P2RX5: variants seen among roughly 807,000 people sequenced by gnomAD.
P2RX5 encodes purinergic receptor P2X 5, also known as P2X purinoceptor 5.
Under a neutral mutation model 54.1 loss-of-function variants are expected in P2RX5, and 46 were observed. That is an observed-to-expected ratio of 0.85 (90% CI 0.67 to 1.09). The LOEUF is 1.09. Among genes scored for constraint, P2RX5 ranks in the 50% least tolerant of loss-of-function variants. The pLI is 0.00. For missense variants in P2RX5, 566 were observed against 549.8 expected, an observed-to-expected ratio of 1.03 and a Z score of -0.29; for synonymous variants, 226 against 226.4, an observed-to-expected ratio of 1.00 and a Z score of 0.02.
chr17:3,712,654 AAC>A, the P2RX5 span, among the ~76,000 whole-genome samples: 2 of 152,228 alleles, frequency 1.3e-5, no homozygotes, highest in African/African-American at 4.8e-5. Flanking sequence ...GTGATTTAAA[AAC>A]AGTTTGGCCG....
At chr17:3,723,769 C>T in the P2RX5 span, 45 of 1,604,178 alleles carry the variant, frequency 2.8e-5, no homozygotes, top group East Asian at 8.1e-4. Flanking sequence ...ATGACCGCGA[C>T]GCGCTGAACA....
At chr17:3,709,341 T>TATTACAC in the P2RX5 span, among the ~76,000 whole-genome samples, 1 of 152,190 alleles carries the variant, frequency 6.6e-6, no homozygotes, top group Non-Finnish European at 1.5e-5. Context: ...CTGATTTCAC[T>TATTACAC]ATGAGAAATG....
the P2RX5 span, chr17:3,718,032 G>C: frequency 3.3e-5 from 5 of 152,328 alleles, no homozygotes; most frequent in African/African-American, 9.6e-5. Flanking sequence ...TCCCAAAAGT[G>C]CCCCAAAGAT....
intron 10 of P2RX5, among the ~76,000 whole-genome samples, chr17:3,680,681 T>G (rs79334250): frequency 1.4e-5 from 1 of 73,390 alleles, no homozygotes; most frequent in Non-Finnish European, 2.6e-5. Flanking sequence ...ACCACCCTGC[T>G]TCCTCCATCC....
intron 11 of P2RX5, chr17:3,677,328 A>G: frequency 3.1e-6 from 3 of 983,302 alleles, no homozygotes; most frequent in Non-Finnish European, 3.6e-6. Flanking sequence ...GGGCAGGTCC[A>G]TATTCCCCGG....
intron 10 of P2RX5, among the ~76,000 whole-genome samples, chr17:3,681,578 C>T (rs1392640040): frequency 6.6e-6 from 1 of 152,252 alleles, no homozygotes; most frequent in African/African-American, 2.4e-5. Flanking sequence ...GCTGCAGACA[C>T]CACTCGATTG....
At chr17:3,674,309 CCGTCT>C (rs975620209) in intron 11 of P2RX5, among the ~76,000 whole-genome samples, 4 of 149,644 alleles carry the variant, frequency 2.7e-5, no homozygotes, top group African/African-American at 9.9e-5. Context: ...AAGCGAGACT[CCGTCT>C]CAAAAAATTA....
At chr17:3,699,879 AAGG>A (rs1567744308), upstream of P2RX5, among the ~76,000 whole-genome samples, 24 of 26,636 alleles carry the variant, frequency 9.0e-4, no homozygotes, top group South Asian at 2.4e-3. Flanking sequence ...GAAAGAAAGG[AAGG>A]AAGGAAGGAA....
chr17:3,698,542 C>G (rs1196706022), upstream of P2RX5, among the ~76,000 whole-genome samples: 1 of 152,152 alleles, frequency 6.6e-6, no homozygotes, highest in Non-Finnish European at 1.5e-5. Flanking sequence ...TAGCCCCAGT[C>G]CCAGGCACTC....
chr17:3,704,606 G>A, the P2RX5 span, among the ~76,000 whole-genome samples: 17 of 152,360 alleles, frequency 1.1e-4, no homozygotes. Flanking sequence ...TGATGGGTTG[G>A]TACTCAGTAC....
chr17:3,703,985 C>A, the P2RX5 span, among the ~76,000 whole-genome samples: 3 of 152,084 alleles, frequency 2.0e-5, no homozygotes, highest in Non-Finnish European at 2.9e-5. Flanking sequence ...GCCTGTAATC[C>A]CAGCTACTCG....
the P2RX5 span, among the ~76,000 whole-genome samples, chr17:3,713,537 A>G: frequency 6.6e-5 from 10 of 152,176 alleles, no homozygotes; most frequent in Admixed American, 3.9e-4. Context: ...GATCACCTGA[A>G]GTCAGGAGTT....
At chr17:3,675,694 G>A in intron 11 of P2RX5, 11 of 597,990 alleles carry the variant, frequency 1.8e-5, no homozygotes, top group Non-Finnish European at 2.3e-5. Context: ...TGGGACTACA[G>A]GCATGTGGAC....
chr17:3,675,357 G>T, intron 11 of P2RX5: 1 of 984,934 alleles, frequency 1.0e-6, no homozygotes, highest in Non-Finnish European at 1.2e-6. Flanking sequence ...CATTTTTGTT[G>T]CAATATGAAA....
At chr17:3,690,837 G>T in intron 3 of P2RX5, 119 bp downstream of exon 3, 1 of 1,133,312 alleles carries the variant, frequency 8.8e-7, no homozygotes, top group Non-Finnish European at 1.3e-6. Context: ...ACACCCGGGT[G>T]CACACAGCCA....
Position 3,690,458 on chromosome 17 carries a change from A to C in P2RX5, c.502T>G (p.Trp168Gly). Residue 168 changes from tryptophan to glycine, a missense_variant, in exon 5 of 12, where the codon TGG becomes GGG. Physicochemically the swap from Trp to Gly is radical, Grantham distance 184. Transcript: ENST00000225328. ...LARGTCEIFA[W>G]CPLETSSRPE... ...CTGGAGCTTGTCTCCAACGGGCACCAGGCAAAGATCTCACAGGTGCCCCTG... is the reference window on the plus strand; with the variant it reads ...CTGGAGCTTGTCTCCAACGGGCACCCGGCAAAGATCTCACAGGTGCCCCTG... The C allele has an allele frequency of 6.2e-7, 1 of 1,612,782 alleles. No homozygotes were observed. Among genetic ancestry groups the C allele is most frequent in the Non-Finnish European group, 8.5e-7 (1 of 1,179,650 alleles).
chr17:3,721,468 G>T, the P2RX5 span, among the ~76,000 whole-genome samples: 1 of 150,856 alleles, frequency 6.6e-6, no homozygotes, highest in Non-Finnish European at 1.5e-5. Flanking sequence ...TTAAGAAATG[G>T]GGTTTCACTA....
intron 11 of P2RX5, 55 bp from the exon 12 acceptor site, chr17:3,673,932 A>C (rs993002977): frequency 1.6e-5 from 24 of 1,516,106 alleles, no homozygotes; most frequent in Admixed American, 1.3e-4. Flanking sequence ...TCATCTTCCC[A>C]GTGAGGCAAC....
At chr17:3,700,640 T>G (rs1597281209), upstream of P2RX5, among the ~76,000 whole-genome samples, 1 of 152,068 alleles carries the variant, frequency 6.6e-6, no homozygotes, top group East Asian at 1.9e-4. Flanking sequence ...TTTGGATGTG[T>G]GTTCCTCCAA....
Sources: allele counts gnomAD v4.1 joint callset (sites outside exome capture counted in the v4.1 genomes callset), GRCh38; gene constraint gnomAD v4.1.1; transcripts MANE v1.5; gene names NCBI Gene and HGNC (gene_info 2026-07-23, HGNC 2026-07-21).